DCC: variants seen among roughly 807,000 people sequenced by gnomAD.
The protein encoded by DCC is DCC netrin 1 receptor.
In DCC, 58 loss-of-function variants were observed where a neutral mutation model predicts 172.5. The ratio of observed to expected loss-of-function variants is 0.34; its 90% CI spans 0.27 to 0.42. The LOEUF (loss-of-function observed/expected upper bound fraction) is 0.42, where lower values mean the gene tolerates loss of function less well. DCC is among the 10% of genes least tolerant of loss of function. The pLI, the probability that DCC is intolerant of heterozygous loss-of-function variation, is 1.00. For synonymous variants in DCC, 709 were observed against 644.5 expected (o/e 1.10, Z -1.52); for missense variants, 1,740 against 1,791.0 (o/e 0.97, Z 0.51).
chr18:52,857,769 T>C (rs2039076991), intron 2 of DCC, among the ~76,000 whole-genome samples: 1 of 152,182 alleles, frequency 6.6e-6, no homozygotes, highest in South Asian at 2.1e-4. Flanking sequence ...TAGTCAAGTT[T>C]TCTCTTGGAA....
chr18:52,986,756 G>T, intron 5 of DCC, among the ~76,000 whole-genome samples: 1 of 146,280 alleles, frequency 6.8e-6, no homozygotes, highest in Admixed American at 6.8e-5. Flanking sequence ...ACACACACAC[G>T]TGTAGTATAT....
At chr18:53,411,653 T>C (rs917527426) in intron 20 of DCC, among the ~76,000 whole-genome samples, 13 of 152,110 alleles carry the variant, frequency 8.5e-5, no homozygotes, top group African/African-American at 2.4e-4. Flanking sequence ...TTCTGATGAG[T>C]GAGCTATTCA....
intron 8 of DCC, among the ~76,000 whole-genome samples, chr18:53,174,852 A>G (rs564084695): frequency 6.0e-4 from 91 of 152,244 alleles, no homozygotes; most frequent in African/African-American, 2.0e-3. Flanking sequence ...CTGATACCAA[A>G]GCCAGGCAGA....
At chr18:52,561,475 T>TAC (rs953364509) in intron 1 of DCC, among the ~76,000 whole-genome samples, 2 of 151,968 alleles carry the variant, frequency 1.3e-5, no homozygotes, top group African/African-American at 2.4e-5. Flanking sequence ...TATATACATA[T>TAC]ACACACACAC....
In DCC at chr18:52,515,128, G is replaced by A. The variant is rs182012776; in HGVS notation, c.91+174250G>A. Among the ~76,000 whole-genome samples the A allele has an allele frequency of 2.0e-4, 30 of 152,264 alleles. No homozygotes were observed. In the South Asian group the frequency reaches 2.1e-3, roughly 11 times the overall value. Reference sequence around the variant, plus strand: ...ACAATGGAACAGAATAGGAGGCTCAGAAATAAACCCGCATAAATATGCTCA... The same window carrying A: ...ACAATGGAACAGAATAGGAGGCTCAAAAATAAACCCGCATAAATATGCTCA... On this transcript the variant is annotated intron_variant, in intron 1 of 28. Transcript: ENST00000442544.
intron 24 of DCC, among the ~76,000 whole-genome samples, chr18:53,460,274 G>A (rs1273216049): frequency 1.2e-5 from 1 of 81,088 alleles, no homozygotes. Flanking sequence ...AGGAGCTCCT[G>A]TTTTTTTTTT....
chr18:53,126,331 T>C (rs1296584629), intron 7 of DCC, among the ~76,000 whole-genome samples: 1 of 152,120 alleles, frequency 6.6e-6, no homozygotes, highest in Non-Finnish European at 1.5e-5. Flanking sequence ...CTATAATGCC[T>C]CAACTCTCTA....
chr18:52,638,214 C>G (rs2034819030), intron 1 of DCC, among the ~76,000 whole-genome samples: 1 of 152,140 alleles, frequency 6.6e-6, no homozygotes, highest in African/African-American at 2.4e-5. Context: ...AACAGAACCT[C>G]TTTAAAGCAT....
At chr18:53,428,369 AATATT>A (rs1156424740) in intron 21 of DCC, among the ~76,000 whole-genome samples, 6 of 45,118 alleles carry the variant, frequency 1.3e-4, no homozygotes, top group Non-Finnish European at 2.0e-4. Context: ...TATATAATAT[AATATT>A]ATAATATATT....
chr18:52,554,861 T>C (rs2032870642), intron 1 of DCC, among the ~76,000 whole-genome samples: 1 of 152,116 alleles, frequency 6.6e-6, no homozygotes, highest in South Asian at 2.1e-4. Context: ...ACATAGTTTC[T>C]GCTCTTAAAT....
chr18:52,891,797 C>A (rs916259443), intron 2 of DCC, among the ~76,000 whole-genome samples: 3 of 152,018 alleles, frequency 2.0e-5, no homozygotes, highest in African/African-American at 4.8e-5. Flanking sequence ...TCCTTTCTTC[C>A]ATCCCACTAT....
At chr18:53,461,039 G>A (rs1260076115) in intron 24 of DCC, among the ~76,000 whole-genome samples, 2 of 152,186 alleles carry the variant, frequency 1.3e-5, no homozygotes, top group Non-Finnish European at 2.9e-5. Flanking sequence ...CAGTGATGGT[G>A]AACATTTTTT....
At chr18:52,817,173 C>A (rs2038315841) in intron 2 of DCC, among the ~76,000 whole-genome samples, 1 of 152,042 alleles carries the variant, frequency 6.6e-6, no homozygotes, top group Non-Finnish European at 1.5e-5. Context: ...TCAATATATA[C>A]ATATGTAAGA....
intron 1 of DCC, among the ~76,000 whole-genome samples, chr18:52,454,176 A>G (rs2144522867): frequency 6.6e-6 from 1 of 152,288 alleles, no homozygotes; most frequent in East Asian, 1.9e-4. Flanking sequence ...TTTTTGCTAT[A>G]ATTTTTTTAC....
chr18:53,304,456 C>G (rs1287533012), intron 12 of DCC, among the ~76,000 whole-genome samples: 1 of 152,020 alleles, frequency 6.6e-6, no homozygotes, highest in Non-Finnish European at 1.5e-5. Context: ...TGCCATTGCT[C>G]TAGGTATCAT....
chr18:52,342,270 T>G (rs1333793015), intron 1 of DCC, among the ~76,000 whole-genome samples: 1 of 119,064 alleles, frequency 8.4e-6, no homozygotes, highest in Admixed American at 8.8e-5. Flanking sequence ...AGGAGGGGTG[T>G]GTGTGTGTGC....
At chr18:53,222,689 G>A (rs1168406358) in intron 12 of DCC, among the ~76,000 whole-genome samples, 1 of 151,808 alleles carries the variant, frequency 6.6e-6, no homozygotes, top group African/African-American at 2.4e-5. Flanking sequence ...CCCGGCCTAT[G>A]GTACTTTCCC....
chr18:52,399,104 T>C (rs1468112781), intron 1 of DCC, among the ~76,000 whole-genome samples: 1 of 151,996 alleles, frequency 6.6e-6, no homozygotes, highest in Non-Finnish European at 1.5e-5. Context: ...TGATAAAAAA[T>C]TAAACTGAGA....
intron 1 of DCC, among the ~76,000 whole-genome samples, chr18:52,487,452 T>C (rs985867015): frequency 4.6e-5 from 7 of 152,130 alleles, no homozygotes; most frequent in African/African-American, 7.2e-5. Flanking sequence ...CCTGGGATGC[T>C]GTGATTAACA....
Sources: allele counts gnomAD v4.1 joint callset (sites outside exome capture counted in the v4.1 genomes callset), GRCh38; gene constraint gnomAD v4.1.1; transcripts MANE v1.5; gene names NCBI Gene and HGNC (gene_info 2026-07-23, HGNC 2026-07-21).